The following SPNS3 variants were observed in gnomAD, a reference collection of about 807,000 sequenced individuals.
The protein encoded by SPNS3 is protein spinster homolog 3.
Under a neutral mutation model 54.4 loss-of-function variants are expected in SPNS3, and 51 were observed. That is an observed-to-expected ratio of 0.94 (90% CI 0.75 to 1.18). The LOEUF (loss-of-function observed/expected upper bound fraction) is 1.18. Among genes scored for constraint, SPNS3 ranks in the 50% most tolerant of loss-of-function variants. The probability of loss-of-function intolerance (pLI) is 0.00; values close to 1 mark genes in which losing one functional copy is unlikely to be tolerated. For synonymous variants in SPNS3, 309 were observed against 294.7 expected, an observed-to-expected ratio of 1.05 and a Z score of -0.50; for missense variants, 669 against 677.4, an observed-to-expected ratio of 0.99 and a Z score of 0.14.
intron 7 of SPNS3, among the ~76,000 whole-genome samples, chr17:4,450,900 G>C (rs544310120): frequency 2.0e-5 from 3 of 152,014 alleles, no homozygotes; most frequent in Admixed American, 6.6e-5. Flanking sequence ...GAGCCACCGT[G>C]CCCGGCCGAA....
Position 4,434,146 on chromosome 17 carries a change from T to A in SPNS3, c.179T>A (p.Met60Lys), listed in dbSNP as rs765364745. 1 of 1,611,242 alleles carries A rather than the reference T, an allele frequency of 6.2e-7. No individual in the cohort carries two copies. Residue 60 changes from methionine to lysine, a missense_variant, in exon 1 of 12, where the codon ATG becomes AAG. Met to Lys is a moderately conservative substitution (Grantham distance 95). Coordinates refer to ENST00000355530, the MANE Select transcript of SPNS3 (RefSeq NM_182538.5). Reference sequence around the variant, plus strand: ...TGCTACATCAACCTCCTGAATTACATGAACTGGTTCATCATTGCAGGTGAG... The same window carrying A: ...TGCTACATCAACCTCCTGAATTACAAGAACTGGTTCATCATTGCAGGTGAG... ...VLCYINLLNY[M>K]NWFIIAGVLL...
chr17:4,472,050 G>A (rs1332239779), intron 8 of SPNS3, among the ~76,000 whole-genome samples: 2 of 151,536 alleles, frequency 1.3e-5, no homozygotes, highest in Admixed American at 6.6e-5. Flanking sequence ...GTAGAGATGG[G>A]GTTTTACCAT....
At chr17:4,476,655 G>A (rs1972009629) in intron 8 of SPNS3, among the ~76,000 whole-genome samples, 1 of 152,136 alleles carries the variant, frequency 6.6e-6, no homozygotes, top group South Asian at 2.1e-4. Flanking sequence ...CAGCTGCCCG[G>A]GCCCCGCCTG....
chr17:4,463,808 G>A (rs1486480451), intron 8 of SPNS3, among the ~76,000 whole-genome samples: 1 of 151,572 alleles, frequency 6.6e-6, no homozygotes, highest in Admixed American at 6.6e-5. Context: ...AATGTATATT[G>A]TATGTACAAA....
At position 4,482,796 on chromosome 17, in the gene SPNS3, G is replaced by A. The variant is rs145386237; in HGVS notation, c.1180-3432G>A. On this transcript the variant is annotated intron_variant, in intron 9 of 11. Coordinates refer to ENST00000355530, the MANE Select transcript of SPNS3 (RefSeq NM_182538.5). ...CCTCCCAGCCCTGCTGTCTGTCCCC[G>A]CCCCACTCAGGATGGCCCAGAGCCA... Among the ~76,000 whole-genome samples the A allele has an allele frequency of 2.6e-5, 4 of 152,038 alleles. No individual in the cohort carries two copies. The East Asian group carries it at 5.8e-4, about 22-fold the overall frequency.
rs397856983 is a variant in SPNS3, at chr17:4,477,494, T to TC, written c.1114-1078_1114-1077insC. ...AGCTTTGAGAAATGAGACTCTTTTT[T>TC]TCTCTCTTTCTTCTTGCTGCTTCAT... On this transcript the variant is annotated intron_variant, in intron 8 of 11. Coordinates refer to ENST00000355530, the MANE Select transcript of SPNS3 (RefSeq NM_182538.5). Among the ~76,000 whole-genome samples the TC allele has an allele frequency of 2.6e-5, 4 of 151,246 alleles. No homozygotes were observed. In the East Asian group the frequency reaches 7.7e-4, roughly 29 times the overall value.
In SPNS3 at chr17:4,486,436, C is replaced by A. The variant is rs747755316; in HGVS notation, c.1303C>A (p.Arg435Ser). The A allele has an allele frequency of 6.2e-7, 1 of 1,608,566 alleles. No individual in the cohort carries two copies. Among genetic ancestry groups the A allele is most frequent in the African/African-American group, 1.3e-5 (1 of 74,762 alleles). The change falls in exon 11 of 12, where the codon CGC becomes AGC. Residue 435 changes from arginine (R) to serine (S), a missense_variant. Coordinates refer to ENST00000355530, the MANE Select transcript of SPNS3 (RefSeq NM_182538.5). The surrounding 1 kb of genome is among the most constrained non-coding windows in gnomAD (Gnocchi z 5.5). ...GATCTCTAGTGTCCTGCGGGCCAGG[C>A]GCCCTGACTCCTATCTGCAGCGCTT... Reference protein sequence around the residue: ...GLISSVLRARRPDSYLQRFRS... With the variant: ...GLISSVLRARSPDSYLQRFRS...
At chr17:4,470,293 G>A (rs1971821375) in intron 8 of SPNS3, among the ~76,000 whole-genome samples, 3 of 152,078 alleles carry the variant, frequency 2.0e-5, no homozygotes, top group Admixed American at 6.6e-5. Context: ...ACTAAGTGTG[G>A]TGGTGGGCGC....
chr17:4,446,501 G>A (rs1470789143), intron 4 of SPNS3: 3 of 486,154 alleles, frequency 6.2e-6, no homozygotes, highest in Middle Eastern at 5.4e-4. Flanking sequence ...GGGAGGTAAG[G>A]TGAGGAAGCG....
chr17:4,436,121 T>C (rs1051432040), intron 1 of SPNS3, among the ~76,000 whole-genome samples: 5 of 152,068 alleles, frequency 3.3e-5, no homozygotes, highest in South Asian at 2.1e-4. Context: ...GGGGCAGAGA[T>C]AGAGGCTGGT....
intron 8 of SPNS3, among the ~76,000 whole-genome samples, chr17:4,459,928 G>A (rs952585512): frequency 6.6e-6 from 1 of 152,168 alleles, no homozygotes; most frequent in Non-Finnish European, 1.5e-5. Flanking sequence ...TAGGGAGAGT[G>A]TGAGTATTGG....
Position 4,446,049 on chromosome 17 carries a change from A to G in SPNS3, c.404A>G (p.Tyr135Cys). ...GLSSSFISPRYSWLFFLSRGI... is the reference protein window; with the variant it reads ...GLSSSFISPRCSWLFFLSRGI... ...GTGGTCTTGTGCCTGCTCGCCCAGT[A>G]TTCTTGGCTCTTCTTCCTGTCCCGG... is the stretch of plus-strand genomic sequence containing the variant. The change falls in exon 4 of 12, where the codon TAT (tyrosine) becomes TGT (cysteine). Residue 135 changes from tyrosine (Y) to cysteine (C), a missense_variant and splice_region_variant. Coordinates refer to ENST00000355530, the MANE Select transcript of SPNS3 (RefSeq NM_182538.5). 1 of 1,605,620 alleles carries G rather than the reference A, an allele frequency of 6.2e-7. No homozygotes were observed. Among genetic ancestry groups the G allele is most frequent in the South Asian group, 1.1e-5 (1 of 90,536 alleles).
At chr17:4,444,681 C>T (rs140189142) in intron 2 of SPNS3, among the ~76,000 whole-genome samples, 10 of 152,204 alleles carry the variant, frequency 6.6e-5, no homozygotes, top group East Asian at 1.9e-4. Context: ...TTTGTAAAGC[C>T]GGGAAACTGG....
chr17:4,458,770 C>T (rs535351609), intron 8 of SPNS3, among the ~76,000 whole-genome samples: 38 of 151,580 alleles, frequency 2.5e-4, no homozygotes, highest in African/African-American at 9.2e-4. Context: ...CCTGCCCATG[C>T]TGCCTCCCGA....
At chr17:4,479,259 T>C (rs1972094869) in intron 9 of SPNS3, among the ~76,000 whole-genome samples, 1 of 152,226 alleles carries the variant, frequency 6.6e-6, no homozygotes, top group Admixed American at 6.5e-5. Context: ...CTTCTTTCTG[T>C]AGCATACTGC....
At chr17:4,479,011 T>C (rs1055673479) in intron 9 of SPNS3, among the ~76,000 whole-genome samples, 1 of 152,268 alleles carries the variant, frequency 6.6e-6, no homozygotes, top group Non-Finnish European at 1.5e-5. Context: ...GGCCTGATCT[T>C]GGCTCACTGC....
Position 4,449,217 on chromosome 17 carries a change from G to A in SPNS3, c.771-18G>A. 1 of 1,607,800 alleles carries A rather than the reference G, an allele frequency of 6.2e-7. No homozygotes were observed. The highest frequency in any genetic ancestry group is 8.5e-7 in the Non-Finnish European group (1 of 1,179,394). ...CCCAGCCCTCTCCCAACTCCAGCTGGGGCACCTCGTCTTGCAGCTGGAGTT... is the reference window on the plus strand; with the variant it reads ...CCCAGCCCTCTCCCAACTCCAGCTGAGGCACCTCGTCTTGCAGCTGGAGTT... On this transcript the variant is annotated intron_variant, in intron 6 of 11. Coordinates refer to ENST00000355530, the MANE Select transcript of SPNS3 (RefSeq NM_182538.5).
intron 8 of SPNS3, among the ~76,000 whole-genome samples, chr17:4,477,637 G>T (rs1045888227): frequency 6.6e-6 from 1 of 152,198 alleles, no homozygotes; most frequent in Non-Finnish European, 1.5e-5. Context: ...CTGGGGGTGG[G>T]CACTGGGCAG....
At chr17:4,439,774 TG>T (rs755634066) in intron 2 of SPNS3, 51 bp downstream of exon 2, 1 of 1,539,362 alleles carries the variant, frequency 6.5e-7, no homozygotes, top group South Asian at 1.2e-5. Context: ...CATGCTGGGG[TG>T]GGCTCTTTCT....
Sources: allele counts gnomAD v4.1 joint callset (sites outside exome capture counted in the v4.1 genomes callset), GRCh38; gene constraint gnomAD v4.1.1; non-coding constraint Gnocchi (gnomAD v3.1); transcripts MANE v1.5; gene names NCBI Gene and HGNC (gene_info 2026-07-23, HGNC 2026-07-21).